The following EZR variants were observed in gnomAD, a reference collection of about 807,000 sequenced individuals.
The protein encoded by EZR is ezrin, also known as cytovillin 2.
Under a neutral mutation model 74.8 loss-of-function variants are expected in EZR, and 40 were observed. The ratio of observed to expected loss-of-function variants is 0.53; its 90% CI spans 0.42 to 0.70. The LOEUF is 0.70. Ranked by LOEUF, EZR falls within the 30% of genes least tolerant of loss-of-function variation. The pLI is 0.00. For missense variants in EZR, 678 were observed against 755.8 expected (o/e 0.90, Z 1.21); for synonymous variants, 341 against 283.3 (o/e 1.20, Z -2.05).
chr6:158,819,136 G>A (rs1294910727), intron 1 of EZR, among the ~76,000 whole-genome samples, 181 bp downstream of exon 1: 1 of 151,900 alleles, frequency 6.6e-6, no homozygotes, highest in Non-Finnish European at 1.5e-5. Flanking sequence ...CGAGGGGAAG[G>A]TCGCGGGGCC....
intron 2 of EZR, among the ~76,000 whole-genome samples, chr6:158,804,269 T>C (rs1406197897): frequency 1.3e-5 from 2 of 152,198 alleles, no homozygotes; most frequent in African/African-American, 4.8e-5. Context: ...GACACCACTT[T>C]CCCCTAAGAA....
chr6:158,770,744 C>CATG lies in EZR; in HGVS notation c.1090+19_1090+20insCAT. 6.2e-7 allele frequency: 1 copy of CATG among 1,613,960 alleles called. No homozygotes were observed. Among genetic ancestry groups the CATG allele is most frequent in the Non-Finnish European group, 8.5e-7 (1 of 1,179,952 alleles). On this transcript the variant is annotated intron_variant, in intron 10 of 13. Transcript: ENST00000367075. ...GAAATGCATGACCCAGTGTAGAGTG[C>CATG]CAGCCCCAGGGCGCCTGACCTCTCT...
At chr6:158,818,222 C>A in intron 1 of EZR, 56 bp from the exon 2 acceptor site, 1 of 990,130 alleles carries the variant, frequency 1.0e-6, no homozygotes, top group South Asian at 1.8e-5. Context: ...GTCCTCCTGC[C>A]GCGCCCGACA....
At chr6:158,812,595 T>C (rs901087261) in intron 2 of EZR, among the ~76,000 whole-genome samples, 5 of 152,206 alleles carry the variant, frequency 3.3e-5, no homozygotes, top group Non-Finnish European at 7.3e-5. Flanking sequence ...ATTATTTGGA[T>C]TTAAAAATAA....
intron 12 of EZR, among the ~76,000 whole-genome samples, chr6:158,768,203 G>A (rs1254015797): frequency 6.6e-6 from 1 of 151,840 alleles, no homozygotes; most frequent in Non-Finnish European, 1.5e-5. Flanking sequence ...AAGAGCTGAT[G>A]GTTTCAGTGT....
At chr6:158,800,830 A>C (rs929894998) in intron 2 of EZR, among the ~76,000 whole-genome samples, 1 of 152,190 alleles carries the variant, frequency 6.6e-6, no homozygotes, top group Non-Finnish European at 1.5e-5. Flanking sequence ...CTAATAAAAT[A>C]ATCCTGAGGC....
intron 2 of EZR, among the ~76,000 whole-genome samples, chr6:158,798,633 T>G (rs1247760009): frequency 4.0e-5 from 6 of 150,038 alleles, no homozygotes; most frequent in Admixed American, 2.7e-4. Context: ...TTTTTTTTTT[T>G]TTTTTTTTTT....
intron 2 of EZR, among the ~76,000 whole-genome samples, chr6:158,804,481 T>C (rs1466512280): frequency 2.0e-5 from 3 of 152,214 alleles, no homozygotes; most frequent in Non-Finnish European, 4.4e-5. Context: ...ACTAGGTATA[T>C]CATAAATACT....
At chr6:158,816,032 G>A (rs1416299944) in intron 2 of EZR, among the ~76,000 whole-genome samples, 1 of 152,206 alleles carries the variant, frequency 6.6e-6, no homozygotes, top group Non-Finnish European at 1.5e-5. Context: ...CAACATGGAT[G>A]AACCTTGAAG....
intron 8 of EZR, 115 bp from the exon 9 acceptor site, chr6:158,771,522 G>A (rs1791110771): frequency 2.6e-6 from 3 of 1,141,020 alleles, no homozygotes; most frequent in South Asian, 3.3e-5. Context: ...AGCAGAACAG[G>A]GATGGCAGCA....
At chr6:158,801,457 T>C (rs905216773) in intron 2 of EZR, among the ~76,000 whole-genome samples, 1 of 152,236 alleles carries the variant, frequency 6.6e-6, no homozygotes, top group Admixed American at 6.5e-5. Flanking sequence ...CAGCCATCTA[T>C]CTAAGCTCCA....
At chr6:158,777,068 CTTTCCCTTG>C (rs1242407276) in intron 7 of EZR, among the ~76,000 whole-genome samples, 1 of 152,256 alleles carries the variant, frequency 6.6e-6, no homozygotes, top group Non-Finnish European at 1.5e-5. Flanking sequence ...GGCTGCCTCC[CTTTCCCTTG>C]AGGCCTCTCT....
chr6:158,784,686 T>C lies in EZR; in HGVS notation c.509A>G (p.Asp170Gly). The change falls in exon 6 of 14, where the codon GAC (aspartate) becomes GGC (glycine). Residue 170 changes from aspartate (D) to glycine (G), a missense_variant. By Grantham distance (94) the Asp-to-Gly change is moderately conservative. Around this residue, in one of 3 missense-constraint regions of EZR, gnomAD observed 217 missense variants for 232.2 expected, o/e 0.93. Coordinates refer to ENST00000367075, the MANE Select transcript of EZR (RefSeq NM_001111077.2). ...QHKLTRDQWEDRIQVWHAEHR... is the reference protein window; with the variant it reads ...QHKLTRDQWEGRIQVWHAEHR... The stretch of plus-strand genomic sequence containing the variant: ...TTCCGCATGCCACACCTGGATCCGG[T>C]CCTCCCACTGGTCCCTGGTAAGTTT... 1.2e-6 allele frequency: 2 copies of C among 1,614,122 alleles called. No individual in the cohort carries two copies. Among genetic ancestry groups the C allele is most frequent in the African/African-American group, 2.7e-5 (2 of 75,010 alleles).
chr6:158,787,844 A>G (rs1250750853), intron 3 of EZR, among the ~76,000 whole-genome samples: 1 of 152,208 alleles, frequency 6.6e-6, no homozygotes, highest in Admixed American at 6.5e-5. Flanking sequence ...CTGATACAGC[A>G]AAGGTAGAAT....
chr6:158,803,857 C>T (rs1325933583), intron 2 of EZR, among the ~76,000 whole-genome samples: 1 of 151,662 alleles, frequency 6.6e-6, no homozygotes, highest in Non-Finnish European at 1.5e-5. Flanking sequence ...CATCTGTGCT[C>T]ATTATTATCA....
intron 8 of EZR, among the ~76,000 whole-genome samples, chr6:158,776,049 T>TG (rs1463265719): frequency 6.6e-6 from 1 of 152,196 alleles, no homozygotes; most frequent in African/African-American, 2.4e-5. Flanking sequence ...AAGGCAAATC[T>TG]GGCCCTTGAG....
At chr6:158,802,196 C>T (rs1258362114) in intron 2 of EZR, among the ~76,000 whole-genome samples, 2 of 152,190 alleles carry the variant, frequency 1.3e-5, no homozygotes, top group Non-Finnish European at 2.9e-5. Flanking sequence ...AAAGCAAGGT[C>T]ATAACTACAG....
Position 158,766,664 on chromosome 6 carries a change from C to T in EZR, c.*250G>A. 3.7e-6 allele frequency: 2 copies of T among 544,272 alleles called. No homozygotes were observed. The highest frequency in any genetic ancestry group is 1.9e-5 in the African/African-American group (1 of 52,742). 33.7% of individuals were successfully genotyped at this position (544,272 alleles called of 1,614,324 possible). A position where few individuals can be genotyped will look rare whatever the true frequency, so the allele number is the denominator to read the frequency against. On this transcript the variant is annotated 3_prime_UTR_variant, in exon 14 of 14. Coordinates refer to ENST00000367075, the MANE Select transcript of EZR (RefSeq NM_001111077.2). ...TTCCGTAATTCAATCAGTCCTGCTC[C>T]CAGCACAACACAGGAGGTGATTCGA...
At chr6:158,811,038 A>G (rs746730426) in intron 2 of EZR, among the ~76,000 whole-genome samples, 6 of 152,344 alleles carry the variant, frequency 3.9e-5, no homozygotes, top group African/African-American at 7.2e-5. Context: ...TGTATTAACT[A>G]TATCAAGCAT....
Sources: gnomAD v4.1 joint callset for allele counts (sites outside exome capture counted in the v4.1 genomes callset) on GRCh38, gnomAD v4.1.1 for gene constraint, gnomAD v4.1.1 regional missense constraint, MANE v1.5 for transcripts, NCBI Gene and HGNC (gene_info 2026-07-23, HGNC 2026-07-21) for gene names.